The following IGSF3 variants were observed in gnomAD, a reference collection of about 807,000 sequenced individuals.
The protein encoded by IGSF3 is immunoglobulin superfamily member 3.
In IGSF3, 23 loss-of-function variants were observed where a neutral mutation model predicts 114.4. The ratio of observed to expected loss-of-function variants is 0.20; its 90% CI spans 0.14 to 0.28. The LOEUF (loss-of-function observed/expected upper bound fraction) is 0.28, where lower values mean the gene tolerates loss of function less well. Ranked by LOEUF, IGSF3 falls within the 10% of genes least tolerant of loss-of-function variation. The pLI, the probability that IGSF3 is intolerant of heterozygous loss-of-function variation, is 1.00. For synonymous variants in IGSF3, 571 were observed against 645.2 expected, an observed-to-expected ratio of 0.88 and a Z score of 1.74; for missense variants, 1,172 against 1,591.5, an observed-to-expected ratio of 0.74 and a Z score of 4.48.
rs1661229250 is a variant in IGSF3 at position 116,616,633 on chromosome 1, G to A, written c.44-176C>T. Among the ~76,000 whole-genome samples, 1 of 152,154 alleles carries A rather than the reference G, an allele frequency of 6.6e-6. No homozygotes were observed. Among genetic ancestry groups the A allele is most frequent in the African/African-American group, 2.4e-5 (1 of 41,428 alleles). On this transcript the variant is annotated intron_variant, in intron 2 of 10. Coordinates refer to ENST00000369486, the MANE Select transcript of IGSF3 (RefSeq NM_001007237.3). The surrounding 1 kb of genome is among the most constrained non-coding windows in gnomAD (Gnocchi z 6.6). ...TAAATATTAATTAAAACACTCTGTGGTAAAGCACTGTCCCTAATTTGCATA... is the reference window on the plus strand; with the variant it reads ...TAAATATTAATTAAAACACTCTGTGATAAAGCACTGTCCCTAATTTGCATA...
rs887069083 is a variant in IGSF3, at chr1:116,610,380, C to G, written c.833-2049G>C. On this transcript the variant is annotated intron_variant, in intron 4 of 10. Coordinates refer to ENST00000369486, the MANE Select transcript of IGSF3 (RefSeq NM_001007237.3). The surrounding 1 kb of genome is among the most constrained non-coding windows in gnomAD (Gnocchi z 4.3). ...CTCATCTCAAGGGAATCCCCCCATG[C>G]CTTGGTGACACCTTCATGTTCCCAG... is the stretch of plus-strand genomic sequence containing the variant. Among the ~76,000 whole-genome samples the G allele has an allele frequency of 2.0e-5, 3 of 152,192 alleles. No homozygotes were observed. The highest frequency in any genetic ancestry group is 7.2e-5 in the African/African-American group (3 of 41,438).
intron 2 of IGSF3, among the ~76,000 whole-genome samples, chr1:116,656,599 A>T (rs538543656): frequency 6.6e-6 from 1 of 152,188 alleles, no homozygotes; most frequent in East Asian, 1.9e-4. Context: ...TAACAGAATT[A>T]TAGTCACTGT....
intron 2 of IGSF3, among the ~76,000 whole-genome samples, chr1:116,626,538 G>A (rs1475376528): frequency 4.0e-5 from 6 of 151,272 alleles, no homozygotes; most frequent in Non-Finnish European, 1.5e-5. Flanking sequence ...GCCTTCTACT[G>A]CTTATCCTTT....
rs980800582 is a variant in IGSF3, at chr1:116,665,282, G to A, written c.43+1002C>T. ...CAACAGATCACCCTAAGTTCCCTAC[G>A]TGCAAGACACCTAGATTTGGAGACG... On this transcript the variant is annotated intron_variant, in intron 2 of 10. Transcript: ENST00000369486. This position sits in a 1 kb window ranked among gnomAD's most constrained non-coding sequence, Gnocchi z 4.0. Among the ~76,000 whole-genome samples the A allele has an allele frequency of 2.0e-5, 3 of 152,118 alleles. No homozygotes were observed. The highest frequency in any genetic ancestry group is 7.2e-5 in the African/African-American group (3 of 41,404).
chr1:116,644,423 C>T lies in IGSF3; in HGVS notation c.43+21861G>A, dbSNP rs61787764. Among the ~76,000 whole-genome samples the T allele has an allele frequency of 6.6e-6, 1 of 152,232 alleles. No individual in the cohort carries two copies. The highest frequency in any genetic ancestry group is 1.5e-5 in the Non-Finnish European group (1 of 68,034). On this transcript the variant is annotated intron_variant, in intron 2 of 10. Coordinates refer to ENST00000369486, the MANE Select transcript of IGSF3 (RefSeq NM_001007237.3). This position sits in a 1 kb window ranked among gnomAD's most constrained non-coding sequence, Gnocchi z 5.6. Reference sequence around the variant, plus strand: ...CAGCAGGAATTCAGCCTCTGGCAGCCGTGATGATGCTGAGGCAGTGTCCCC... The same window carrying T: ...CAGCAGGAATTCAGCCTCTGGCAGCTGTGATGATGCTGAGGCAGTGTCCCC...
At chr1:116,604,287 G>T (rs1009393834) in intron 5 of IGSF3, among the ~76,000 whole-genome samples, 1 of 152,182 alleles carries the variant, frequency 6.6e-6, no homozygotes, top group African/African-American at 2.4e-5. Context: ...ACCTGAGCCT[G>T]AATAAGAACC....
rs911434404 is a variant in IGSF3 at position 116,596,087 on chromosome 1, A to C, written c.2029+3854T>G. On this transcript the variant is annotated intron_variant, in intron 7 of 10. Coordinates refer to ENST00000369486, the MANE Select transcript of IGSF3 (RefSeq NM_001007237.3). The surrounding 1 kb of genome is among the most constrained non-coding windows in gnomAD (Gnocchi z 4.1). ...GATCCACAAGTCAACTGTGCCATCC[A>C]ACCAGAGATTCTGATGAATACTGAT... 1.3e-5 allele frequency among the ~76,000 whole-genome samples: 2 copies of C among 152,238 alleles called. No homozygotes were observed. Among genetic ancestry groups the C allele is most frequent in the African/African-American group, 4.8e-5 (2 of 41,468 alleles).
rs1433842456 is a variant in IGSF3 at position 116,665,031 on chromosome 1, G to A, written c.43+1253C>T. Among the ~76,000 whole-genome samples, 1 of 152,174 alleles carries A rather than the reference G, an allele frequency of 6.6e-6. No individual in the cohort carries two copies. The highest frequency in any genetic ancestry group is 1.5e-5 in the Non-Finnish European group (1 of 68,032). ...CACTGATTGCACAAATCTATTATGA[G>A]TTTCAGACATTATTTAAGGCAGTCA... On this transcript the variant is annotated intron_variant, in intron 2 of 10. Transcript: ENST00000369486. The surrounding 1 kb of genome is among the most constrained non-coding windows in gnomAD (Gnocchi z 4.0).
rs1649166207 is a variant in IGSF3, at chr1:116,662,749, T to C, written c.43+3535A>G. ...GGACAACTATTAGGACAGTGGTGTT[T>C]GTTCATCCATAAATCACAATCCTCA... On this transcript the variant is annotated intron_variant, in intron 2 of 10. Coordinates refer to ENST00000369486, the MANE Select transcript of IGSF3 (RefSeq NM_001007237.3). The surrounding 1 kb of genome is among the most constrained non-coding windows in gnomAD (Gnocchi z 4.3). Among the ~76,000 whole-genome samples the C allele has an allele frequency of 6.6e-6, 1 of 152,206 alleles. No individual in the cohort carries two copies. Among genetic ancestry groups the C allele is most frequent in the Non-Finnish European group, 1.5e-5 (1 of 68,036 alleles).
At position 116,585,114 on chromosome 1, in the gene IGSF3, T is replaced by G; in HGVS notation, c.2441-62A>C. 1 of 1,322,682 alleles carries G rather than the reference T, an allele frequency of 7.6e-7. No individual in the cohort carries two copies. 81.9% of individuals were successfully genotyped at this position (1,322,682 alleles called of 1,614,324 possible). A position where few individuals can be genotyped will look rare whatever the true frequency, so the allele number is the denominator to read the frequency against. On this transcript the variant is annotated intron_variant, in intron 8 of 10. Coordinates refer to ENST00000369486, the MANE Select transcript of IGSF3 (RefSeq NM_001007237.3). This position sits in a 1 kb window ranked among gnomAD's most constrained non-coding sequence, Gnocchi z 4.9. Reference sequence around the variant, plus strand: ...ACAACAAGCAATTCGTACGCACCCTTTCCCAGGGTAGGTGAATGGATGCCT... The same window carrying G: ...ACAACAAGCAATTCGTACGCACCCTGTCCCAGGGTAGGTGAATGGATGCCT...
intron 4 of IGSF3, among the ~76,000 whole-genome samples, chr1:116,613,462 A>G (rs2101490958): frequency 6.6e-6 from 1 of 152,284 alleles, no homozygotes; most frequent in South Asian, 2.1e-4. Flanking sequence ...TTTCTCAGAA[A>G]TCTCCCAATT....
Position 116,618,816 on chromosome 1 carries a change from T to C in IGSF3, c.44-2359A>G, listed in dbSNP as rs544183591. Among the ~76,000 whole-genome samples the C allele has an allele frequency of 6.6e-6, 1 of 152,332 alleles. No homozygotes were observed. The highest frequency in any genetic ancestry group is 1.9e-4 in the East Asian group (1 of 5,190). The stretch of plus-strand genomic sequence containing the variant: ...TTCATAACATTAGGTATCCTTTGAA[T>C]TGCGGTGTTCTATGACAGCGCAACT... On this transcript the variant is annotated intron_variant, in intron 2 of 10. Transcript: ENST00000369486. This position sits in a 1 kb window ranked among gnomAD's most constrained non-coding sequence, Gnocchi z 4.7.
intron 9 of IGSF3, among the ~76,000 whole-genome samples, chr1:116,581,851 T>C (rs569540771): frequency 1.6e-4 from 24 of 152,270 alleles, no homozygotes; most frequent in Admixed American, 6.5e-4. Flanking sequence ...AGAGCCCTAC[T>C]AGAGACCAAG....
At chr1:116,639,803 T>C (rs1647999274) in intron 2 of IGSF3, among the ~76,000 whole-genome samples, 1 of 151,768 alleles carries the variant, frequency 6.6e-6, no homozygotes, top group Non-Finnish European at 1.5e-5. Context: ...GGAGGCCAAG[T>C]TGGGCGAATC....
chr1:116,650,452 C>G lies in IGSF3; in HGVS notation c.43+15832G>C, dbSNP rs1240914033. Among the ~76,000 whole-genome samples, 1 of 152,168 alleles carries G rather than the reference C, an allele frequency of 6.6e-6. No individual in the cohort carries two copies. The highest frequency in any genetic ancestry group is 2.4e-5 in the African/African-American group (1 of 41,432). ...AGCAGACTTCTCATACCTCAGTGGC[C>G]AAAACCATGTCACACGCCCATGTCT... On this transcript the variant is annotated intron_variant, in intron 2 of 10. Transcript: ENST00000369486. The surrounding 1 kb of genome is among the most constrained non-coding windows in gnomAD (Gnocchi z 5.0).
In IGSF3 at chr1:116,596,026, C is replaced by T. The variant is rs1660327967; in HGVS notation, c.2029+3915G>A. ...AGATTCTGTTGGGGATATGCATATG[C>T]AACAGGAAGCACACACAGGGAATGG... On this transcript the variant is annotated intron_variant, in intron 7 of 10. Coordinates refer to ENST00000369486, the MANE Select transcript of IGSF3 (RefSeq NM_001007237.3). This position sits in a 1 kb window ranked among gnomAD's most constrained non-coding sequence, Gnocchi z 4.1. Among the ~76,000 whole-genome samples the T allele has an allele frequency of 6.6e-6, 1 of 152,204 alleles. No individual in the cohort carries two copies. Among genetic ancestry groups the T allele is most frequent in the Non-Finnish European group, 1.5e-5 (1 of 68,044 alleles).
chr1:116,662,479 G>A lies in IGSF3; in HGVS notation c.43+3805C>T, dbSNP rs1649157773. Among the ~76,000 whole-genome samples, 1 of 152,156 alleles carries A rather than the reference G, an allele frequency of 6.6e-6. No individual in the cohort carries two copies. The highest frequency in any genetic ancestry group is 6.5e-5 in the Admixed American group (1 of 15,286). On this transcript the variant is annotated intron_variant, in intron 2 of 10. Coordinates refer to ENST00000369486, the MANE Select transcript of IGSF3 (RefSeq NM_001007237.3). The surrounding 1 kb of genome is among the most constrained non-coding windows in gnomAD (Gnocchi z 4.3). The stretch of plus-strand genomic sequence containing the variant: ...GTTTTGAAGACTGATTGATATAGTT[G>A]GGTCACAGTAAGGGCTAGAGTTAGG...
At position 116,603,955 on chromosome 1, in the gene IGSF3, G is replaced by A; in HGVS notation, c.1293C>T (p.Ser431=). The change falls in exon 6 of 11, where the codon TCC becomes TCT. Residue 431 remains serine, a synonymous_variant. Transcript: ENST00000369486. The surrounding 1 kb of genome is among the most constrained non-coding windows in gnomAD (Gnocchi z 7.1). ...VILEGEDLRF[S]CSVRTAGRPQ... ...GCCTGCCTGCCGTGCGGACACTGCAGGAGAAGCGCAGGTCCTCGCCCTCAA... is the reference window on the plus strand; with the variant it reads ...GCCTGCCTGCCGTGCGGACACTGCAAGAGAAGCGCAGGTCCTCGCCCTCAA... The A allele has an allele frequency of 6.2e-7, 1 of 1,613,662 alleles. No individual in the cohort carries two copies. Among genetic ancestry groups the A allele is most frequent in the East Asian group, 2.2e-5 (1 of 44,890 alleles).
At chr1:116,631,412 TCCTGC>T (rs1415370665) in intron 2 of IGSF3, among the ~76,000 whole-genome samples, 1 of 148,200 alleles carries the variant, frequency 6.7e-6, no homozygotes, top group Non-Finnish European at 1.5e-5. Flanking sequence ...ATATTCCAAA[TCCTGC>T]CTTGGGAAGA....
Sources: allele counts gnomAD v4.1 joint callset (sites outside exome capture counted in the v4.1 genomes callset), GRCh38; gene constraint gnomAD v4.1.1; non-coding constraint Gnocchi (gnomAD v3.1); transcripts MANE v1.5; gene names NCBI Gene and HGNC (gene_info 2026-07-23, HGNC 2026-07-21).